TSHZ1: variants seen among roughly 807,000 people sequenced by gnomAD.
TSHZ1 encodes the protein teashirt zinc finger homeobox 1, also known as teashirt homolog 1.
A neutral mutation model predicts 67.1 loss-of-function variants in TSHZ1; 12 were observed. The ratio of observed to expected loss-of-function variants is 0.18; its 90% CI spans 0.11 to 0.29. TSHZ1 has a LOEUF of 0.29. Among genes scored for constraint, TSHZ1 ranks in the 10% least tolerant of loss-of-function variants. The probability of loss-of-function intolerance (pLI) is 1.00; values close to 1 mark genes in which losing one functional copy is unlikely to be tolerated. For synonymous variants in TSHZ1, 632 were observed against 622.4 expected (o/e 1.02, Z -0.23); for missense variants, 1,305 against 1,413.9 (o/e 0.92, Z 1.23).
chr18:75,250,361 C>T (rs1344780186), intron 1 of TSHZ1, among the ~76,000 whole-genome samples: 2 of 152,208 alleles, frequency 1.3e-5, no homozygotes, highest in Non-Finnish European at 2.9e-5. Flanking sequence ...CCCGCAGAGT[C>T]CCCAGTGTTT....
At chr18:75,223,912 A>G (rs1044961610) in intron 1 of TSHZ1, among the ~76,000 whole-genome samples, 1 of 152,078 alleles carries the variant, frequency 6.6e-6, no homozygotes, top group Non-Finnish European at 1.5e-5. Flanking sequence ...GATGAGGTCA[A>G]CCATGACTGA....
chr18:75,212,136 C>T (rs185003908), intron 1 of TSHZ1, among the ~76,000 whole-genome samples: 11 of 152,170 alleles, frequency 7.2e-5, no homozygotes, highest in Admixed American at 2.6e-4. Context: ...GTTCGCGGTG[C>T]TTCTCTGCGC....
chr18:75,253,618 G>A (rs1430472080), intron 1 of TSHZ1, among the ~76,000 whole-genome samples: 1 of 152,236 alleles, frequency 6.6e-6, no homozygotes. Flanking sequence ...TCAGGTCTGT[G>A]AAGGCTGACT....
At chr18:75,246,218 T>C (rs774958447) in intron 1 of TSHZ1, among the ~76,000 whole-genome samples, 20 of 152,202 alleles carry the variant, frequency 1.3e-4, no homozygotes, top group Admixed American at 2.6e-4. Flanking sequence ...GGAAGGAAAT[T>C]GGCCAGATGC....
chr18:75,267,138 A>C (rs895604573), intron 1 of TSHZ1, among the ~76,000 whole-genome samples: 2 of 152,240 alleles, frequency 1.3e-5, no homozygotes, highest in African/African-American at 4.8e-5. Context: ...AAATGAATAT[A>C]CACCATGATT....
intron 1 of TSHZ1, among the ~76,000 whole-genome samples, chr18:75,246,653 G>T (rs766564376): frequency 1.1e-4 from 16 of 152,094 alleles, no homozygotes; most frequent in Non-Finnish European, 1.8e-4. Context: ...GTTTAAAGGG[G>T]TGATGGCTTC....
chr18:75,258,663 C>T (rs2023392550), intron 1 of TSHZ1, among the ~76,000 whole-genome samples: 1 of 152,062 alleles, frequency 6.6e-6, no homozygotes, highest in Non-Finnish European at 1.5e-5. Context: ...GTGAGGTTGT[C>T]AACTTTTCTA....
At chr18:75,244,214 C>T (rs533901838) in intron 1 of TSHZ1, among the ~76,000 whole-genome samples, 1 of 152,180 alleles carries the variant, frequency 6.6e-6, no homozygotes, top group South Asian at 2.1e-4. Flanking sequence ...AGGCTGGTGA[C>T]CTTTGCTGTC....
intron 1 of TSHZ1, among the ~76,000 whole-genome samples, chr18:75,248,769 T>C (rs574651802): frequency 1.3e-5 from 2 of 152,336 alleles, no homozygotes; most frequent in Admixed American, 6.5e-5. Context: ...CAATACATCA[T>C]GTGTTTGCCT....
chr18:75,236,087 G>C (rs967302814), intron 1 of TSHZ1, among the ~76,000 whole-genome samples: 2 of 152,122 alleles, frequency 1.3e-5, no homozygotes, highest in African/African-American at 4.8e-5. Context: ...GATAGGAAGC[G>C]TGCATGATAG....
chr18:75,288,309 C>T lies in TSHZ1; in HGVS notation c.2902C>T (p.Pro968Ser), dbSNP rs774010159. 5 of 1,614,166 alleles carry T rather than the reference C, an allele frequency of 3.1e-6. No individual in the cohort carries two copies. The highest frequency in any genetic ancestry group is 4.2e-6 in the Non-Finnish European group (5 of 1,180,040). The change falls in exon 2 of 2, where the codon CCT (proline) becomes TCT (serine). Residue 968 changes from proline to serine, a missense_variant. Pro to Ser is a moderately conservative substitution (Grantham distance 74). This residue lies in a region of TSHZ1 where 909 missense variants were observed against 961.8 expected (regional missense o/e 0.95). Coordinates refer to ENST00000580243, the MANE Select transcript of TSHZ1 (RefSeq NM_001308210.2). The surrounding 1 kb of genome is among the most constrained non-coding windows in gnomAD (Gnocchi z 4.9). Reference sequence around the variant, plus strand: ...CCTAAAGAACCTGGACACAGGGCATCCTGTTTTCTTTTGCAACGATTGTGC... The same window carrying T: ...CCTAAAGAACCTGGACACAGGGCATTCTGTTTTCTTTTGCAACGATTGTGC... Reference protein sequence around the residue: ...KFLKNLDTGHPVFFCNDCASQ... With the variant: ...KFLKNLDTGHSVFFCNDCASQ...
At chr18:75,261,401 A>T (rs1047542150) in intron 1 of TSHZ1, among the ~76,000 whole-genome samples, 2 of 152,170 alleles carry the variant, frequency 1.3e-5, no homozygotes, top group Admixed American at 6.5e-5. Context: ...GAATGTCAGG[A>T]GTCTTGTCAG....
At chr18:75,238,298 C>T (rs777745043) in intron 1 of TSHZ1, among the ~76,000 whole-genome samples, 3 of 152,174 alleles carry the variant, frequency 2.0e-5, no homozygotes, top group Admixed American at 6.5e-5. Context: ...CTGCCACGGG[C>T]AACTGTGACT....
In TSHZ1 at chr18:75,260,401, A is replaced by G. The variant is rs77512693; in HGVS notation, c.41-25047A>G. Reference sequence around the variant, plus strand: ...TTTTCACATCCTACCTTTAAGTTCTATGAAGACAAAGACAGTCTTCATCTT... The same window carrying G: ...TTTTCACATCCTACCTTTAAGTTCTGTGAAGACAAAGACAGTCTTCATCTT... On this transcript the variant is annotated intron_variant, in intron 1 of 1. Transcript: ENST00000580243. Among the ~76,000 whole-genome samples the G allele has an allele frequency of 2.0e-3, 307 of 152,308 alleles. 1 individual carries two copies. The highest frequency in any genetic ancestry group is 7.0e-3 in the African/African-American group (289 of 41,580).
At position 75,288,380 on chromosome 18, in the gene TSHZ1, A is replaced by G. The variant is rs201953573; in HGVS notation, c.2973A>G (p.Thr991=). Residue 991 remains threonine, a synonymous_variant, in exon 2 of 2, where the codon ACA becomes ACG. Transcript: ENST00000580243. This position sits in a 1 kb window ranked among gnomAD's most constrained non-coding sequence, Gnocchi z 4.9. ...TASTYISHLE[T]HLGFSLKDLS... is the part of the protein sequence containing the mutation. Reference sequence around the variant, plus strand: ...CTACATACATAAGTCATTTGGAGACACACTTGGGCTTCAGCCTGAAGGATC... The same window carrying G: ...CTACATACATAAGTCATTTGGAGACGCACTTGGGCTTCAGCCTGAAGGATC... 6.2e-7 allele frequency: 1 copy of G among 1,614,238 alleles called. No homozygotes were observed. The highest frequency in any genetic ancestry group is 8.5e-7 in the Non-Finnish European group (1 of 1,180,042).
At chr18:75,263,685 C>G (rs752941903) in intron 1 of TSHZ1, among the ~76,000 whole-genome samples, 1 of 152,094 alleles carries the variant, frequency 6.6e-6, no homozygotes, top group Non-Finnish European at 1.5e-5. Context: ...CATACAGATA[C>G]AATAATTCAG....
At chr18:75,278,166 C>A (rs1441497072) in intron 1 of TSHZ1, among the ~76,000 whole-genome samples, 1 of 151,466 alleles carries the variant, frequency 6.6e-6, no homozygotes, top group Non-Finnish European at 1.5e-5. Context: ...TTTTCAGGCC[C>A]AGGCTCCTGG....
chr18:75,271,931 T>A (rs2023562981), intron 1 of TSHZ1, among the ~76,000 whole-genome samples: 1 of 152,210 alleles, frequency 6.6e-6, no homozygotes, highest in African/African-American at 2.4e-5. Flanking sequence ...ATGATCTAGC[T>A]GCCTTCCTTC....
intron 1 of TSHZ1, among the ~76,000 whole-genome samples, chr18:75,214,565 C>T (rs1322825359): frequency 4.6e-5 from 7 of 152,090 alleles, no homozygotes; most frequent in Non-Finnish European, 7.3e-5. Context: ...CTGTTCCATC[C>T]GTAACTGATG....
Sources: allele counts gnomAD v4.1 joint callset (sites outside exome capture counted in the v4.1 genomes callset), GRCh38; gene constraint gnomAD v4.1.1; regional missense constraint gnomAD v4.1.1; non-coding constraint Gnocchi (gnomAD v3.1); transcripts MANE v1.5; gene names NCBI Gene and HGNC (gene_info 2026-07-23, HGNC 2026-07-21).